WASF3: variants seen among roughly 807,000 people sequenced by gnomAD.
WASF3 encodes WASP family member 3.
Under a neutral mutation model 46.6 loss-of-function variants are expected in WASF3, and 11 were observed. The observed-to-expected ratio is 0.24, with a 90% CI of 0.15 to 0.39. The LOEUF (loss-of-function observed/expected upper bound fraction) is 0.39. WASF3 is among the 10% of genes least tolerant of loss of function. The probability of loss-of-function intolerance (pLI) is 1.00; values close to 1 mark genes in which losing one functional copy is unlikely to be tolerated. For missense variants in WASF3, 576 were observed against 669.8 expected, an observed-to-expected ratio of 0.86 and a Z score of 1.55; for synonymous variants, 242 against 259.7, an observed-to-expected ratio of 0.93 and a Z score of 0.65.
At chr13:26,592,425 A>C (rs1268629234) in intron 1 of WASF3, among the ~76,000 whole-genome samples, 1 of 152,176 alleles carries the variant, frequency 6.6e-6, no homozygotes, top group South Asian at 2.1e-4. Flanking sequence ...TTATTTTCTC[A>C]TAGTTCTGGA....
rs549357721 is a variant in WASF3, at chr13:26,655,745, GA to G, written c.134-9282del. Among the ~76,000 whole-genome samples, 613 of 152,286 alleles carry G rather than the reference GA, an allele frequency of 4.0e-3. 4 individuals carry two copies. The highest frequency in any genetic ancestry group is 0.014 in the African/African-American group (568 of 41,548). On this transcript the variant is annotated intron_variant, in intron 3 of 9. Coordinates refer to ENST00000335327, the MANE Select transcript of WASF3 (RefSeq NM_006646.6). ...TTGCTCATTTATATCAGTATGGACT[GA>G]TGGATTATTTTATTCTGTGGTTTAT...
intron 1 of WASF3, among the ~76,000 whole-genome samples, chr13:26,605,345 C>G (rs1880761633): frequency 6.6e-6 from 1 of 152,136 alleles, no homozygotes; most frequent in African/African-American, 2.4e-5. Context: ...AGCTCATTAA[C>G]TGTTTGGTGG....
chr13:26,602,895 C>T (rs1356364408), intron 1 of WASF3, among the ~76,000 whole-genome samples: 2 of 151,978 alleles, frequency 1.3e-5, no homozygotes, highest in South Asian at 2.1e-4. Context: ...TTTCTTTGTC[C>T]AAATGTAAGA....
chr13:26,564,584 C>T (rs904238647), intron 1 of WASF3, among the ~76,000 whole-genome samples: 1 of 152,166 alleles, frequency 6.6e-6, no homozygotes, highest in South Asian at 2.1e-4. Context: ...GAGCTGTTAT[C>T]CATTTTGTGC....
Position 26,688,361 on chromosome 13 carries a change from AAG to A in WASF3, c.*2517_*2518del, listed in dbSNP as rs1883473908. 1 of 152,250 alleles carries A rather than the reference AAG, an allele frequency of 6.6e-6. No homozygotes were observed. The highest frequency in any genetic ancestry group is 2.1e-4 in the South Asian group (1 of 4,834). 9.4% of individuals were successfully genotyped at this position (152,250 alleles called of 1,614,324 possible). ...GTTTTAAATTATAGTTATAAATTGT[AAG>A]GTAATTTTAAATTGTCCCTCGTATT... On this transcript the variant is annotated 3_prime_UTR_variant, in exon 10 of 10. Coordinates refer to ENST00000335327, the MANE Select transcript of WASF3 (RefSeq NM_006646.6).
intron 1 of WASF3, among the ~76,000 whole-genome samples, chr13:26,562,530 G>C (rs951843956): frequency 6.6e-6 from 1 of 152,074 alleles, no homozygotes; most frequent in African/African-American, 2.4e-5. Context: ...CAGATAAAGG[G>C]GGAACCCTTT....
At chr13:26,577,772 C>T (rs1879846472) in intron 1 of WASF3, 6 of 638,404 alleles carry the variant, frequency 9.4e-6, no homozygotes, top group Non-Finnish European at 1.6e-5. Context: ...ATCTGCAGAC[C>T]TTATTCAGAT....
At chr13:26,669,587 C>T (rs1882872111) in intron 5 of WASF3, among the ~76,000 whole-genome samples, 1 of 152,006 alleles carries the variant, frequency 6.6e-6, no homozygotes, top group African/African-American at 2.4e-5. Flanking sequence ...AGTCTCAGCT[C>T]ATTGCAGCCT....
At chr13:26,567,534 T>TA (rs994905180) in intron 1 of WASF3, among the ~76,000 whole-genome samples, 25 of 152,170 alleles carry the variant, frequency 1.6e-4, no homozygotes, top group African/African-American at 5.8e-4. Flanking sequence ...GCAGAGCTGA[T>TA]ATAGGGGTAA....
At chr13:26,649,244 T>C (rs1882240457) in intron 3 of WASF3, among the ~76,000 whole-genome samples, 1 of 152,162 alleles carries the variant, frequency 6.6e-6, no homozygotes, top group Admixed American at 6.5e-5. Flanking sequence ...TTTACGTACG[T>C]TGTCTGGCAA....
rs1222037960 is a variant in WASF3, at chr13:26,631,836, C to CT, written c.-10-10422dup. Among the ~76,000 whole-genome samples, 3 of 152,188 alleles carry CT rather than the reference C, an allele frequency of 2.0e-5. No individual in the cohort carries two copies. The East Asian group carries it at 5.8e-4, about 29-fold the overall frequency. On this transcript the variant is annotated intron_variant, in intron 2 of 9. Transcript: ENST00000335327. ...ATGTTTTTCCATTTGTTTGTGTCCT[C>CT]TTTCATTTTGTTGAGCAGTGGTTTG... is the stretch of plus-strand genomic sequence containing the variant.
At chr13:26,649,238 C>T (rs764117720) in intron 3 of WASF3, among the ~76,000 whole-genome samples, 4 of 152,116 alleles carry the variant, frequency 2.6e-5, no homozygotes, top group South Asian at 2.1e-4. Context: ...TATTCTTTTA[C>T]GTACGTTGTC....
intron 2 of WASF3, among the ~76,000 whole-genome samples, chr13:26,616,517 TGA>T: frequency 1.3e-5 from 2 of 152,222 alleles, no homozygotes; most frequent in Non-Finnish European, 2.9e-5. Context: ...ATCAGATATA[TGA>T]TTTGTAGTTT....
intron 3 of WASF3, among the ~76,000 whole-genome samples, chr13:26,652,848 T>A (rs912996540): frequency 6.6e-6 from 1 of 152,160 alleles, no homozygotes; most frequent in African/African-American, 2.4e-5. Context: ...GAGAAAAATT[T>A]GTAGCTTTAA....
chr13:26,599,451 G>T (rs1880582207), intron 1 of WASF3, among the ~76,000 whole-genome samples: 1 of 152,088 alleles, frequency 6.6e-6, no homozygotes, highest in Non-Finnish European at 1.5e-5. Flanking sequence ...GACTTCACAG[G>T]TGCCTGACGT....
At chr13:26,548,881 C>A in the WASF3 span, among the ~76,000 whole-genome samples, 1 of 152,078 alleles carries the variant, frequency 6.6e-6, no homozygotes, top group Non-Finnish European at 1.5e-5. Flanking sequence ...TATGCTTCTA[C>A]TTGATTAGAT....
chr13:26,641,580 A>C lies in WASF3; in HGVS notation c.-10-681A>C, dbSNP rs1445214800. Among the ~76,000 whole-genome samples the C allele has an allele frequency of 2.0e-5, 3 of 152,182 alleles. No individual in the cohort carries two copies. In the South Asian group the frequency reaches 6.2e-4, roughly 32 times the overall value. On this transcript the variant is annotated intron_variant, in intron 2 of 9. Transcript: ENST00000335327. ...AATTAGGGGTTTATGTAGCAGGAAGAAAGGTAACTATATGTGAGAAAACAG... is the reference window on the plus strand; with the variant it reads ...AATTAGGGGTTTATGTAGCAGGAAGCAAGGTAACTATATGTGAGAAAACAG...
At position 26,584,677 on chromosome 13, in the gene WASF3, A is replaced by G. The variant is rs148117879; in HGVS notation, c.-109+26858A>G. 5.6e-3 allele frequency among the ~76,000 whole-genome samples: 858 copies of G among 152,364 alleles called. 10 individuals carry two copies. Among genetic ancestry groups the G allele is most frequent in the African/African-American group, 0.02 (817 of 41,590 alleles). On this transcript the variant is annotated intron_variant, in intron 1 of 9. Coordinates refer to ENST00000335327, the MANE Select transcript of WASF3 (RefSeq NM_006646.6). ...AGTTAAAATAAGGAATTTGTAAAGCATTCCTCAGTTTTATGTTCAGTTATC... is the reference window on the plus strand; with the variant it reads ...AGTTAAAATAAGGAATTTGTAAAGCGTTCCTCAGTTTTATGTTCAGTTATC...
chr13:26,654,564 C>T (rs1471722599), intron 3 of WASF3, among the ~76,000 whole-genome samples: 4 of 152,212 alleles, frequency 2.6e-5, no homozygotes, highest in Non-Finnish European at 5.9e-5. Context: ...GCCTGATACA[C>T]AGTCGATGCT....
Sources: gnomAD v4.1 joint callset for allele counts (sites outside exome capture counted in the v4.1 genomes callset) on GRCh38, gnomAD v4.1.1 for gene constraint, MANE v1.5 for transcripts, NCBI Gene and HGNC (gene_info 2026-07-23, HGNC 2026-07-21) for gene names.